Variants in ARHGEF17 observed in about 807,000 individuals in gnomAD.
ARHGEF17 encodes the protein Rho guanine nucleotide exchange factor 17.
Under a neutral mutation model 174.0 loss-of-function variants are expected in ARHGEF17, and 80 were observed. The ratio of observed to expected loss-of-function variants is 0.46; its 90% CI spans 0.38 to 0.55. ARHGEF17 has a LOEUF of 0.55. Ranked by LOEUF, ARHGEF17 falls within the 20% of genes least tolerant of loss-of-function variation. The pLI is 0.00. For synonymous variants in ARHGEF17, 1,311 were observed against 1,189.1 expected (o/e 1.10, Z -2.11); for missense variants, 2,886 against 2,839.7 (o/e 1.02, Z -0.37).
At chr11:73,351,564 C>T (rs1261922587) in intron 2 of ARHGEF17, among the ~76,000 whole-genome samples, 1 of 152,138 alleles carries the variant, frequency 6.6e-6, no homozygotes, top group Admixed American at 6.5e-5. Context: ...TGATCTCCCA[C>T]GACCCTCCCT....
chr11:73,337,096 C>T (rs1865297416), intron 1 of ARHGEF17, among the ~76,000 whole-genome samples: 1 of 152,184 alleles, frequency 6.6e-6, no homozygotes, highest in African/African-American at 2.4e-5. Flanking sequence ...ACCTGGACCT[C>T]GTCTTTCTGT....
At chr11:73,367,056 A>T (rs1463634039) in intron 20 of ARHGEF17, among the ~76,000 whole-genome samples, 1 of 152,176 alleles carries the variant, frequency 6.6e-6, no homozygotes, top group Non-Finnish European at 1.5e-5. Context: ...AAAAAAAGTG[A>T]AACAGCAGGA....
chr11:73,356,564 G>A, intron 6 of ARHGEF17, 145 bp from the exon 7 acceptor site: 1 of 1,222,114 alleles, frequency 8.2e-7, no homozygotes, highest in Non-Finnish European at 1.2e-6. Flanking sequence ...CCTGTGGCCT[G>A]GCAGCACAAG....
intron 1 of ARHGEF17, among the ~76,000 whole-genome samples, chr11:73,336,103 T>G (rs2134403680): frequency 6.6e-6 from 1 of 152,352 alleles, no homozygotes. Context: ...CTTGACTTCT[T>G]GTTAATGTGC....
Position 73,310,798 on chromosome 11 carries a change from C to G in ARHGEF17, c.2160C>G (p.Ser720Arg), listed in dbSNP as rs749381710. The G allele has an allele frequency of 5.0e-6, 8 of 1,611,928 alleles. No homozygotes were observed. The highest frequency in any genetic ancestry group is 1.1e-5 in the South Asian group (1 of 91,042). Reference sequence around the variant, plus strand: ...TCCCACCTTCAGGTTCTGGTGGGAGCGAATTGAGCAATGGGGAGGCAGGGG... The same window carrying G: ...TCCCACCTTCAGGTTCTGGTGGGAGGGAATTGAGCAATGGGGAGGCAGGGG... ...RKVPPSGSGG[S>R]ELSNGEAGEA... The change falls in exon 1 of 21, where the codon AGC becomes AGG. Residue 720 changes from serine (S) to arginine (R), a missense_variant. Physicochemically the swap from Ser to Arg is moderately radical, Grantham distance 110. This residue lies in a region of ARHGEF17 where 1,728 missense variants were observed against 1,461.2 expected (regional missense o/e 1.18). Transcript: ENST00000263674.
At position 73,309,801 on chromosome 11, in the gene ARHGEF17, G is replaced by A. The variant is rs3741151; in HGVS notation, c.1163G>A (p.Arg388His). Reference sequence around the variant, plus strand: ...TACCTGGCCAGCCCCGCAGGCTCCCGCGGTAGCAGCCGTTATTCCAGCACG... The same window carrying A: ...TACCTGGCCAGCCCCGCAGGCTCCCACGGTAGCAGCCGTTATTCCAGCACG... Reference protein sequence around the residue: ...PSYLASPAGSRGSSRYSSTET... With the variant: ...PSYLASPAGSHGSSRYSSTET... The change falls in exon 1 of 21, where the codon CGC becomes CAC. Residue 388 changes from arginine (R) to histidine (H), a missense_variant. By Grantham distance (29) the Arg-to-His change is conservative. Transcript: ENST00000263674. The A allele has an allele frequency of 1.2e-6, 2 of 1,612,812 alleles. No individual in the cohort carries two copies. Among genetic ancestry groups the A allele is most frequent in the African/African-American group, 1.3e-5 (1 of 74,906 alleles).
In ARHGEF17 at chr11:73,367,640, G is replaced by A. The variant is rs143114785; in HGVS notation, c.6052G>A (p.Ala2018Thr). ...HRDSPWHRGPAPARPKMLVIS... is the reference protein window; with the variant it reads ...HRDSPWHRGPTPARPKMLVIS... ...GGACTCCCCTTGGCACCGAGGCCCC[G>A]CCCCTGCCAGGCCTAAAATGCTGGT... Residue 2018 changes from alanine to threonine, a missense_variant, in exon 21 of 21, where the codon GCC becomes ACC. Ala to Thr is a moderately conservative substitution (Grantham distance 58). Around this residue, in one of 4 missense-constraint regions of ARHGEF17, gnomAD observed 329 missense variants for 435.2 expected, o/e 0.76. Coordinates refer to ENST00000263674, the MANE Select transcript of ARHGEF17 (RefSeq NM_014786.4). 2,472 of 1,613,982 alleles carry A rather than the reference G, an allele frequency of 1.5e-3. 34 individuals are homozygous for A. In the African/African-American group the frequency reaches 0.029, roughly 19 times the overall value.
chr11:73,324,337 T>C (rs1433116226), intron 1 of ARHGEF17, among the ~76,000 whole-genome samples: 1 of 152,130 alleles, frequency 6.6e-6, no homozygotes, highest in Admixed American at 6.5e-5. Context: ...TGGGTACACG[T>C]TTATTAAATA....
chr11:73,341,676 C>G (rs1188060842), intron 1 of ARHGEF17, among the ~76,000 whole-genome samples: 1 of 152,232 alleles, frequency 6.6e-6, no homozygotes, highest in African/African-American at 2.4e-5. Flanking sequence ...GGCCAAGACC[C>G]TGAGGCAGGA....
chr11:73,364,593 A>G lies in ARHGEF17; in HGVS notation c.5543A>G (p.Gln1848Arg), dbSNP rs746363464. 4 of 1,607,860 alleles carry G rather than the reference A, an allele frequency of 2.5e-6. No homozygotes were observed. The Admixed American group carries it at 6.9e-5, about 28-fold the overall frequency. Residue 1848 changes from glutamine to arginine, a missense_variant, in exon 18 of 21, where the codon CAG becomes CGG. Coordinates refer to ENST00000263674, the MANE Select transcript of ARHGEF17 (RefSeq NM_014786.4). ...RVLVLSPDTL[Q>R]LEHMFYVGQD... The stretch of plus-strand genomic sequence containing the variant: ...CTTGTCCTGAGCCCTGACACGCTGC[A>G]GCTGGAGGTAGCAGGGGGTGGGGGA...
At chr11:73,321,546 G>C (rs535474511) in intron 1 of ARHGEF17, among the ~76,000 whole-genome samples, 2 of 152,194 alleles carry the variant, frequency 1.3e-5, no homozygotes, top group African/African-American at 4.8e-5. Context: ...TTACTGCTCT[G>C]TAAAATGGGG....
At chr11:73,348,232 T>A (rs959730483) in intron 2 of ARHGEF17, among the ~76,000 whole-genome samples, 1 of 152,182 alleles carries the variant, frequency 6.6e-6, no homozygotes, top group African/African-American at 2.4e-5. Context: ...ATTCATTCAT[T>A]CACTCACTCC....
intron 1 of ARHGEF17, among the ~76,000 whole-genome samples, chr11:73,326,244 C>T (rs528733659): frequency 1.8e-4 from 27 of 152,252 alleles, no homozygotes; most frequent in African/African-American, 6.3e-4. Flanking sequence ...ACTAGCCAGA[C>T]CTTGACAGGC....
intron 1 of ARHGEF17, among the ~76,000 whole-genome samples, chr11:73,324,449 T>C (rs1222102896): frequency 6.6e-6 from 1 of 152,188 alleles, no homozygotes; most frequent in Non-Finnish European, 1.5e-5. Context: ...TGCCTAGCCC[T>C]ATGTTGCTGC....
rs905353719 is a variant in ARHGEF17, at chr11:73,362,265, G to C, written c.4694+26G>C. On this transcript the variant is annotated intron_variant, in intron 13 of 20. Transcript: ENST00000263674. Reference sequence around the variant, plus strand: ...GTGAGGCCTGGGCGGCGGGGTGGGCGGCACCGCGGGCCTGGGAGAACCAAC... The same window carrying C: ...GTGAGGCCTGGGCGGCGGGGTGGGCCGCACCGCGGGCCTGGGAGAACCAAC... The C allele has an allele frequency of 4.7e-6, 7 of 1,485,706 alleles. No homozygotes were observed. In the Admixed American group the frequency reaches 1.1e-4, roughly 24 times the overall value. 92.0% of individuals were successfully genotyped at this position (1,485,706 alleles called of 1,614,324 possible). A position where few individuals can be genotyped will look rare whatever the true frequency, so the allele number is the denominator to read the frequency against.
chr11:73,309,295 C>T lies in ARHGEF17; in HGVS notation c.657C>T (p.Ile219=), dbSNP rs753567877. ...RPADGLHSWH[I]FSQPQAGARA... ...CGGATGGTTTACATTCTTGGCATAT[C>T]TTCTCCCAACCGCAGGCCGGGGCCC... Residue 219 remains isoleucine (I), a synonymous_variant, in exon 1 of 21, where the codon ATC becomes ATT. Transcript: ENST00000263674. 2 of 1,612,136 alleles carry T rather than the reference C, an allele frequency of 1.2e-6. No homozygotes were observed. The highest frequency in any genetic ancestry group is 1.7e-6 in the Non-Finnish European group (2 of 1,179,668).
chr11:73,339,512 G>T (rs1865336925), intron 1 of ARHGEF17, among the ~76,000 whole-genome samples: 1 of 152,030 alleles, frequency 6.6e-6, no homozygotes, highest in South Asian at 2.1e-4. Flanking sequence ...TCTCATCATT[G>T]GTCCCATTTG....
intron 2 of ARHGEF17, among the ~76,000 whole-genome samples, chr11:73,348,663 G>A (rs537082654): frequency 6.6e-6 from 1 of 152,102 alleles, no homozygotes; most frequent in Non-Finnish European, 1.5e-5. Context: ...GGTGTACAGG[G>A]TTGCAGTTTT....
rs149581120 is a variant in ARHGEF17, at chr11:73,311,570, G to T, written c.2932G>T (p.Val978Phe). The T allele has an allele frequency of 2.2e-4, 357 of 1,613,648 alleles. 1 individual carries two copies. In the African/African-American group the frequency reaches 4.4e-3, roughly 20 times the overall value. Residue 978 changes from valine (V) to phenylalanine (F), a missense_variant, in exon 1 of 21, where the codon GTT (valine) becomes TTT (phenylalanine). Physicochemically the swap from Val to Phe is conservative, Grantham distance 50 (BLOSUM62 -1). Transcript: ENST00000263674. The part of the protein sequence containing the change: ...PIVVPEPPTS[V>F]GPPVAVPEPI... ...TGTGGTGCCTGAGCCACCAACTTCT[G>T]TTGGTCCCCCTGTGGCTGTGCCAGA...
Sources: gnomAD v4.1 joint callset for allele counts (sites outside exome capture counted in the v4.1 genomes callset) on GRCh38, gnomAD v4.1.1 for gene constraint, gnomAD v4.1.1 regional missense constraint, MANE v1.5 for transcripts, NCBI Gene and HGNC (gene_info 2026-07-23, HGNC 2026-07-21) for gene names.